MSL2: variants seen among roughly 807,000 people sequenced by gnomAD.
The protein encoded by MSL2 is E3 ubiquitin-protein ligase MSL2.
MSL2 carries 2 observed loss-of-function variants against 35.8 expected under a neutral mutation model. The observed-to-expected ratio is 0.06, with a 90% CI of 0.02 to 0.18. The LOEUF (loss-of-function observed/expected upper bound fraction) is 0.18, where lower values mean the gene tolerates loss of function less well. MSL2 is among the 10% of genes least tolerant of loss of function. The pLI is 1.00. For synonymous variants in MSL2, 296 were observed against 255.7 expected, an observed-to-expected ratio of 1.16 and a Z score of -1.50; for missense variants, 523 against 706.7, an observed-to-expected ratio of 0.74 and a Z score of 2.95.
intron 1 of MSL2, among the ~76,000 whole-genome samples, chr3:136,162,000 T>A (rs1245963336): frequency 6.6e-6 from 1 of 151,814 alleles, no homozygotes. Context: ...CACAGTGGCG[T>A]GATCTCGGCT....
At chr3:136,184,290 C>T (rs569936733) in intron 1 of MSL2, among the ~76,000 whole-genome samples, 4 of 150,342 alleles carry the variant, frequency 2.7e-5, no homozygotes, top group Admixed American at 1.3e-4. Context: ...AGTGAGACTC[C>T]GTCTGAAAAA....
rs1940801784 is a variant in MSL2 at position 136,195,226 on chromosome 3, G to A, written c.-113C>T. 6.6e-7 allele frequency: 1 copy of A among 1,514,202 alleles called. No individual in the cohort carries two copies. The allele number at this position is 1,514,202 out of a possible 1,614,324, so 93.8% of individuals were successfully genotyped here. A position where few individuals can be genotyped will look rare whatever the true frequency, so the allele number is the denominator to read the frequency against. ...CAACAATTCGGAAGAAATCAGAGCC[G>A]AACCATTGGCCAAACAAGTAACCAA... is the stretch of plus-strand genomic sequence containing the variant. On this transcript the variant is annotated 5_prime_UTR_variant, in exon 1 of 2. Transcript: ENST00000309993.
chr3:136,176,675 T>A (rs535607983), intron 1 of MSL2, among the ~76,000 whole-genome samples: 82 of 150,774 alleles, frequency 5.4e-4, no homozygotes, highest in South Asian at 6.3e-4. Context: ...AAAAAAAAAA[T>A]TTAAAAATTA....
chr3:136,174,421 G>A (rs1217591771), intron 1 of MSL2, among the ~76,000 whole-genome samples: 2 of 152,186 alleles, frequency 1.3e-5, no homozygotes, highest in Non-Finnish European at 2.9e-5. Flanking sequence ...GGCATACACA[G>A]AGACAATTTT....
At chr3:136,159,354 CTTTTTTTTTTTTT>C (rs71157361) in intron 1 of MSL2, among the ~76,000 whole-genome samples, 10 of 70,064 alleles carry the variant, frequency 1.4e-4, no homozygotes, top group Middle Eastern at 9.8e-3. Flanking sequence ...AGAGTACTTT[CTTTTTTTTTTTTT>C]TTTTTTTTTT....
In MSL2 at chr3:136,149,124, A is replaced by G. The variant is rs1024063634; in HGVS notation, c.*2023T>C. 2.0e-5 allele frequency: 3 copies of G among 152,242 alleles called. No homozygotes were observed. Among genetic ancestry groups the G allele is most frequent in the African/African-American group, 7.2e-5 (3 of 41,386 alleles). The allele number at this position is 152,242 out of a possible 1,614,324, so 9.4% of individuals were successfully genotyped here. On this transcript the variant is annotated 3_prime_UTR_variant, in exon 2 of 2. Transcript: ENST00000309993. Reference sequence around the variant, plus strand: ...ATTGCCAACCTCCCATGCATCAAAAAAAAAAAAAAACCCACAAGATTATCA... The same window carrying G: ...ATTGCCAACCTCCCATGCATCAAAAGAAAAAAAAAACCCACAAGATTATCA...
chr3:136,191,419 G>C (rs1319000222), intron 1 of MSL2, among the ~76,000 whole-genome samples: 1 of 147,858 alleles, frequency 6.8e-6, no homozygotes. Context: ...AGTGAGCCGA[G>C]ATTGCGCCAC....
In MSL2 at chr3:136,149,226, ATCC is replaced by A. The variant is rs1486922230; in HGVS notation, c.*1918_*1920del. On this transcript the variant is annotated 3_prime_UTR_variant, in exon 2 of 2. Coordinates refer to ENST00000309993, the MANE Select transcript of MSL2 (RefSeq NM_018133.4). ...AAAGTTTGGTCGATTTGCAAAATAT[ATCC>A]TCATCCATGTGTACAATCTCATTTC... is the stretch of plus-strand genomic sequence containing the variant. 1 of 152,482 alleles carries A rather than the reference ATCC, an allele frequency of 6.6e-6. No individual in the cohort carries two copies. The highest frequency in any genetic ancestry group is 1.5e-5 in the Non-Finnish European group (1 of 68,012). 9.4% of individuals were successfully genotyped at this position (152,482 alleles called of 1,614,324 possible).
intron 1 of MSL2, among the ~76,000 whole-genome samples, chr3:136,172,219 A>G (rs746127584): frequency 3.8e-4 from 58 of 152,298 alleles, no homozygotes; most frequent in Middle Eastern, 3.4e-3. Context: ...GAAGGTTTAC[A>G]TATTTAAGTA....
chr3:136,151,630 C>A lies in MSL2; in HGVS notation c.1251G>T (p.Lys417Asn). The change falls in exon 2 of 2, where the codon AAG becomes AAT. Residue 417 changes from lysine to asparagine, a missense_variant. By Grantham distance (94) the Lys-to-Asn change is moderately conservative. Coordinates refer to ENST00000309993, the MANE Select transcript of MSL2 (RefSeq NM_018133.4). The surrounding 1 kb of genome is among the most constrained non-coding windows in gnomAD (Gnocchi z 5.2). ...SMKKSHEHGS[K>N]KSHSKTKPGI... ...CTGGCTTGGTTTTAGAGTGAGATTT[C>A]TTGGATCCATGTTCATGACTCTTTT... 1 of 1,614,106 alleles carries A rather than the reference C, an allele frequency of 6.2e-7. No individual in the cohort carries two copies. The highest frequency in any genetic ancestry group is 8.5e-7 in the Non-Finnish European group (1 of 1,180,028).
intron 1 of MSL2, among the ~76,000 whole-genome samples, chr3:136,176,733 C>A (rs1940192794): frequency 6.6e-6 from 1 of 152,020 alleles, no homozygotes; most frequent in Admixed American, 6.6e-5. Context: ...CCTTCTTTCG[C>A]CATGTGATAG....
chr3:136,175,038 G>A (rs2108079921), intron 1 of MSL2, among the ~76,000 whole-genome samples: 1 of 152,294 alleles, frequency 6.6e-6, no homozygotes, highest in Admixed American at 6.5e-5. Context: ...TGTGGTATGA[G>A]AGTAACTATG....
At chr3:136,159,354 C>CTTT (rs71157361) in intron 1 of MSL2, among the ~76,000 whole-genome samples, 786 of 70,078 alleles carry the variant, frequency 0.011, 99 homozygotes, top group African/African-American at 0.038. Flanking sequence ...AGAGTACTTT[C>CTTT]TTTTTTTTTT....
intron 1 of MSL2, among the ~76,000 whole-genome samples, chr3:136,168,103 G>A (rs1347643368): frequency 2.0e-5 from 3 of 152,100 alleles, no homozygotes; most frequent in South Asian, 2.1e-4. Flanking sequence ...AGATGGCTGG[G>A]AGTGGTGGCT....
intron 1 of MSL2, among the ~76,000 whole-genome samples, chr3:136,162,802 G>T (rs960178022): frequency 6.6e-6 from 1 of 152,094 alleles, no homozygotes; most frequent in South Asian, 2.1e-4. Flanking sequence ...AATCCAAAGA[G>T]TAACTATTTC....
chr3:136,180,819 A>AAGGAAGGAAGGAAGGT (rs1940334981), intron 1 of MSL2, among the ~76,000 whole-genome samples: 2 of 132,238 alleles, frequency 1.5e-5, no homozygotes, highest in Admixed American at 1.5e-4. Context: ...GGAAGGAGGG[A>AAGGAAGGAAGGAAGGT]AGGAAGGAAG....
At chr3:136,182,763 C>CT (rs574953599) in intron 1 of MSL2, among the ~76,000 whole-genome samples, 114 of 152,198 alleles carry the variant, frequency 7.5e-4, no homozygotes, top group Non-Finnish European at 8.7e-4. Flanking sequence ...TACCAGGTCC[C>CT]TCTCAAGTCT....
intron 1 of MSL2, among the ~76,000 whole-genome samples, chr3:136,187,787 C>T (rs778597462): frequency 1.8e-4 from 27 of 152,100 alleles, no homozygotes; most frequent in Non-Finnish European, 2.8e-4. Context: ...ATTTGCAAAT[C>T]CTCTCATCCC....
chr3:136,169,908 T>A (rs1309902433), intron 1 of MSL2, among the ~76,000 whole-genome samples: 1 of 151,064 alleles, frequency 6.6e-6, no homozygotes, highest in Non-Finnish European at 1.5e-5. Flanking sequence ...AATAAAAAAG[T>A]AGCCAGGTGT....
Sources: allele counts gnomAD v4.1 joint callset (sites outside exome capture counted in the v4.1 genomes callset), GRCh38; gene constraint gnomAD v4.1.1; non-coding constraint Gnocchi (gnomAD v3.1); transcripts MANE v1.5; gene names NCBI Gene and HGNC (gene_info 2026-07-23, HGNC 2026-07-21).